The following C8orf34 variants were observed in gnomAD, a reference collection of about 807,000 sequenced individuals.
C8orf34 encodes the protein uncharacterized protein C8orf34.
C8orf34 carries 65 observed loss-of-function variants against 68.3 expected under a neutral mutation model. The ratio of observed to expected loss-of-function variants is 0.95; its 90% CI spans 0.78 to 1.17. The LOEUF is 1.17. Among genes scored for constraint, C8orf34 ranks in the 50% most tolerant of loss-of-function variants. The pLI, the probability that C8orf34 is intolerant of heterozygous loss-of-function variation, is 0.00. For synonymous variants in C8orf34, 244 were observed against 241.2 expected (o/e 1.01, Z -0.11); for missense variants, 664 against 655.4 (o/e 1.01, Z -0.14).
At chr8:68,516,647 T>TTTATTTATTTA (rs973721137) in intron 5 of C8orf34, among the ~76,000 whole-genome samples, 1 of 151,940 alleles carries the variant, frequency 6.6e-6, no homozygotes, top group African/African-American at 2.4e-5. Context: ...TATTTATTTA[T>TTTATTTATTTA]TTTTTATTTA....
At chr8:68,420,337 A>C (rs530497076) in intron 1 of C8orf34, among the ~76,000 whole-genome samples, 1 of 152,118 alleles carries the variant, frequency 6.6e-6, no homozygotes, top group Non-Finnish European at 1.5e-5. Flanking sequence ...CAAAAGCTAC[A>C]TTCTATATTT....
intron 5 of C8orf34, among the ~76,000 whole-genome samples, chr8:68,517,729 G>C (rs745418334): frequency 3.3e-5 from 5 of 151,966 alleles, no homozygotes; most frequent in Non-Finnish European, 5.9e-5. Context: ...TTCACTCTTT[G>C]GCTTACAGTG....
chr8:68,536,373 A>G (rs1460875456), intron 7 of C8orf34, among the ~76,000 whole-genome samples: 1 of 150,320 alleles, frequency 6.7e-6, no homozygotes, highest in Non-Finnish European at 1.5e-5. Flanking sequence ...AAAAAAAAAA[A>G]AAAAAAAAAA....
At chr8:68,712,571 C>A (rs1821355995) in intron 9 of C8orf34, among the ~76,000 whole-genome samples, 1 of 151,946 alleles carries the variant, frequency 6.6e-6, no homozygotes, top group Non-Finnish European at 1.5e-5. Context: ...AACTTTAAAG[C>A]AACAGCAGTT....
At chr8:68,797,338 A>G (rs982668315) in intron 12 of C8orf34, among the ~76,000 whole-genome samples, 1 of 152,156 alleles carries the variant, frequency 6.6e-6, no homozygotes, top group East Asian at 1.9e-4. Flanking sequence ...AATTAGTGGC[A>G]GAGGCAGGAC....
chr8:68,520,526 C>A lies in C8orf34; in HGVS notation c.766-1273C>A, dbSNP rs945532799. 2.0e-5 allele frequency among the ~76,000 whole-genome samples: 3 copies of A among 152,152 alleles called. 1 individual carries two copies. Among genetic ancestry groups the A allele is most frequent in the Non-Finnish European group, 4.4e-5 (3 of 68,038 alleles). On this transcript the variant is annotated intron_variant, in intron 5 of 13. Coordinates refer to ENST00000518698, the MANE Select transcript of C8orf34 (RefSeq NM_052958.4). ...AGTGCAGTGGCACGATCTCGGCTCACTGCAAGCTCCACCTCCCGGGTTCAC... is the reference window on the plus strand; with the variant it reads ...AGTGCAGTGGCACGATCTCGGCTCAATGCAAGCTCCACCTCCCGGGTTCAC...
intron 10 of C8orf34, among the ~76,000 whole-genome samples, chr8:68,732,962 G>A (rs1261793285): frequency 6.6e-6 from 1 of 152,102 alleles, no homozygotes; most frequent in African/African-American, 2.4e-5. Context: ...TACTTGGGAG[G>A]CTGAGACAGG....
rs1029567680 is a variant in C8orf34, at chr8:68,687,499, C to A, written c.1242-21495C>A. 9.2e-5 allele frequency among the ~76,000 whole-genome samples: 14 copies of A among 151,866 alleles called. No homozygotes were observed. In the East Asian group the frequency reaches 1.4e-3, roughly 15 times the overall value. ...CTGATCTTTGACAAAGCATACAAAA[C>A]CATAAATTAGGGAAAGGACACCGTA... is the stretch of plus-strand genomic sequence containing the variant. On this transcript the variant is annotated intron_variant, in intron 8 of 13. Coordinates refer to ENST00000518698, the MANE Select transcript of C8orf34 (RefSeq NM_052958.4).
chr8:68,498,103 C>T (rs1813611811), intron 5 of C8orf34, among the ~76,000 whole-genome samples: 2 of 152,208 alleles, frequency 1.3e-5, no homozygotes, highest in African/African-American at 2.4e-5. Flanking sequence ...GCTGGGATTA[C>T]AGGCATGAGC....
rs56946858 is a variant in C8orf34, at chr8:68,396,712, C to CAAAAAAAAAA, written c.328-42767_328-42758dup. On this transcript the variant is annotated intron_variant, in intron 1 of 13. Coordinates refer to ENST00000518698, the MANE Select transcript of C8orf34 (RefSeq NM_052958.4). The stretch of plus-strand genomic sequence containing the variant: ...ATTAGTTCCTGCAAAAGCTGCTTGT[C>CAAAAAAAAAA]AAAAAAAAAAAAAAAAAAAAAAAAA... Among the ~76,000 whole-genome samples, 3 of 18,700 alleles carry CAAAAAAAAAA rather than the reference C, an allele frequency of 1.6e-4. 1 individual carries two copies. The highest frequency in any genetic ancestry group is 5.3e-4 in the African/African-American group (3 of 5,646). The allele number at this position is 18,700 out of a possible 152,430, so 12.3% of individuals were successfully genotyped here.
chr8:68,735,686 G>GA (rs1299794447), intron 10 of C8orf34, among the ~76,000 whole-genome samples: 3 of 151,960 alleles, frequency 2.0e-5, no homozygotes, highest in East Asian at 3.9e-4. Flanking sequence ...AGAAAGAAAA[G>GA]AAAAAAACAT....
chr8:68,635,343 G>A (rs1029049355), intron 7 of C8orf34, among the ~76,000 whole-genome samples: 19 of 152,044 alleles, frequency 1.2e-4, no homozygotes, highest in Non-Finnish European at 2.4e-4. Context: ...GGTAATGAGG[G>A]GCCAGCATGT....
At chr8:68,636,481 A>G (rs1818850123) in intron 7 of C8orf34, among the ~76,000 whole-genome samples, 1 of 151,702 alleles carries the variant, frequency 6.6e-6, no homozygotes, top group Non-Finnish European at 1.5e-5. Context: ...GCTACTTAGG[A>G]GGCTGAGGCA....
At chr8:68,437,632 G>A (rs1019624470) in intron 1 of C8orf34, among the ~76,000 whole-genome samples, 5 of 151,994 alleles carry the variant, frequency 3.3e-5, no homozygotes, top group African/African-American at 9.7e-5. Flanking sequence ...GTAGCAGATG[G>A]CCTTTTTTAA....
chr8:68,556,649 C>A (rs1231870144), intron 7 of C8orf34, among the ~76,000 whole-genome samples: 1 of 152,056 alleles, frequency 6.6e-6, no homozygotes, highest in Non-Finnish European at 1.5e-5. Flanking sequence ...GAGAGGACGA[C>A]CCTGCGAATC....
chr8:68,356,059 A>G (rs1806731592), intron 1 of C8orf34, among the ~76,000 whole-genome samples: 1 of 152,156 alleles, frequency 6.6e-6, no homozygotes, highest in African/African-American at 2.4e-5. Flanking sequence ...CCAGTCTTTT[A>G]AATTGCTTGT....
chr8:68,594,485 A>T (rs1008946133), intron 7 of C8orf34, among the ~76,000 whole-genome samples: 8 of 152,074 alleles, frequency 5.3e-5, no homozygotes, highest in Non-Finnish European at 1.2e-4. Context: ...AGATGTCCAG[A>T]TTTGTTACAT....
intron 5 of C8orf34, among the ~76,000 whole-genome samples, chr8:68,488,958 G>A (rs7837301): frequency 0.018 from 2,701 of 150,344 alleles, 80 homozygotes; most frequent in African/African-American, 0.063. Context: ...ATATCTAAAC[G>A]TTAAAAATTT....
At chr8:68,815,020 C>A (rs1379482491) in intron 12 of C8orf34, among the ~76,000 whole-genome samples, 1 of 152,090 alleles carries the variant, frequency 6.6e-6, no homozygotes, top group Admixed American at 6.5e-5. Flanking sequence ...ACCAATGAAC[C>A]ATTTGTTTGT....
Sources: gnomAD v4.1 joint callset for allele counts (sites outside exome capture counted in the v4.1 genomes callset) on GRCh38, gnomAD v4.1.1 for gene constraint, MANE v1.5 for transcripts, NCBI Gene and HGNC (gene_info 2026-07-23, HGNC 2026-07-21) for gene names.